Variants in MLKL observed in about 807,000 individuals in gnomAD.
MLKL encodes the protein mixed lineage kinase domain like pseudokinase.
Under a neutral mutation model 56.5 loss-of-function variants are expected in MLKL, and 55 were observed. The observed-to-expected ratio is 0.97, with a 90% CI of 0.78 to 1.22. MLKL has a LOEUF of 1.22. Among genes scored for constraint, MLKL ranks in the 50% most tolerant of loss-of-function variants. The probability of loss-of-function intolerance (pLI) is 0.00; values close to 1 mark genes in which losing one functional copy is unlikely to be tolerated. For synonymous variants in MLKL, 251 were observed against 208.3 expected (o/e 1.20, Z -1.76); for missense variants, 694 against 573.9 (o/e 1.21, Z -2.14).
chr16:74,672,980 C>G (rs1383707783), intron 10 of MLKL, among the ~76,000 whole-genome samples: 1 of 152,126 alleles, frequency 6.6e-6, no homozygotes, highest in Non-Finnish European at 1.5e-5. Flanking sequence ...GAGAAAGTTT[C>G]AGACAGAAAC....
At position 74,676,219 on chromosome 16, in the gene MLKL, A is replaced by G. The variant is rs985016118; in HGVS notation, c.1039-455T>C. ...GGCATGGGGGCATCCCCTCTGTGCT[A>G]TCTGACTTTATGGGGGGTCAGCCTG... On this transcript the variant is annotated intron_variant, in intron 7 of 10. Coordinates refer to ENST00000308807, the MANE Select transcript of MLKL (RefSeq NM_152649.4). The G allele has an allele frequency of 3.6e-5, 36 of 993,668 alleles. No individual in the cohort carries two copies. The African/African-American group carries it at 5.9e-4, about 16-fold the overall frequency. 61.6% of individuals were successfully genotyped at this position (993,668 alleles called of 1,614,324 possible). A position where few individuals can be genotyped will look rare whatever the true frequency, so the allele number is the denominator to read the frequency against.
intron 7 of MLKL, 28 bp downstream of exon 7, chr16:74,678,871 C>G: frequency 1.3e-6 from 2 of 1,597,736 alleles, no homozygotes; most frequent in Non-Finnish European, 1.7e-6. Flanking sequence ...CAGGTTTGAC[C>G]CAAAGCGCCC....
At position 74,695,351 on chromosome 16, in the gene MLKL, TC is replaced by T. The variant is rs1396906799; in HGVS notation, c.406del (p.Glu136LysfsTer16). The part of the protein sequence containing the change: ...PISQGASWAQ[E>X]DQQDADEDRR... ...GTCTTCGTCTGCATCCTGCTGATCT[TC>T]CTGTGCCCAGGACGCTCCTTGGCTT... is the stretch of plus-strand genomic sequence containing the variant. On this transcript the variant is annotated frameshift_variant, in exon 2 of 11. Transcript: ENST00000308807. LOFTEE classifies it high-confidence loss of function. 3.7e-6 allele frequency: 6 copies of T among 1,614,100 alleles called. No homozygotes were observed. In the African/African-American group the frequency reaches 8.0e-5, roughly 22 times the overall value.
chr16:74,692,491 T>C, intron 2 of MLKL, 75 bp from the exon 3 acceptor site: 2 of 1,218,004 alleles, frequency 1.6e-6, no homozygotes, highest in Non-Finnish European at 2.4e-6. Context: ...AAATGCTAAT[T>C]AAAACTGTTG....
chr16:74,679,101 A>G (rs939947208), intron 6 of MLKL, 121 bp from the exon 7 acceptor site: 4 of 722,112 alleles, frequency 5.5e-6, no homozygotes, highest in Admixed American at 2.4e-5. Flanking sequence ...ACAGTTACAC[A>G]GGAAAAACTG....
intron 5 of MLKL, among the ~76,000 whole-genome samples, chr16:74,685,179 A>G (rs1960249000): frequency 6.6e-6 from 1 of 152,106 alleles, no homozygotes; most frequent in Non-Finnish European, 1.5e-5. Flanking sequence ...ATAATGTTTT[A>G]GAGCAACAAG....
rs778988353 is a variant in MLKL, at chr16:74,682,682, G to C, written c.925C>G (p.Leu309Val). Residue 309 changes from leucine to valine, a missense_variant, in exon 6 of 11, where the codon CTA becomes GTA. By Grantham distance (32) the Leu-to-Val change is conservative. Coordinates refer to ENST00000308807, the MANE Select transcript of MLKL (RefSeq NM_152649.4). ...KDLTLGKRMV[L>V]VLGAARGLYR... ...AGGCCTCGGGCTGCCCCCAGGACTA[G>C]GACCATGCGCTTGCCAAGTGTGAGG... is the stretch of plus-strand genomic sequence containing the variant. 2.4e-5 allele frequency: 39 copies of C among 1,614,016 alleles called. No homozygotes were observed. In the East Asian group the frequency reaches 8.2e-4, roughly 34 times the overall value.
chr16:74,691,475 C>T lies in MLKL; in HGVS notation c.536-12G>A. ...TTTTGGTGGTAAATCTGACCTCACCCCCGAGAGGAAAGAAGACAAAAGAGT... is the reference window on the plus strand; with the variant it reads ...TTTTGGTGGTAAATCTGACCTCACCTCCGAGAGGAAAGAAGACAAAAGAGT... On this transcript the variant is annotated splice_polypyrimidine_tract_variant and intron_variant, in intron 3 of 10. Coordinates refer to ENST00000308807, the MANE Select transcript of MLKL (RefSeq NM_152649.4). 2 of 1,603,452 alleles carry T rather than the reference C, an allele frequency of 1.2e-6. No homozygotes were observed. Among genetic ancestry groups the T allele is most frequent in the Non-Finnish European group, 1.7e-6 (2 of 1,177,172 alleles).
intron 5 of MLKL, among the ~76,000 whole-genome samples, chr16:74,685,050 G>A (rs1273806613): frequency 6.6e-6 from 1 of 152,050 alleles, no homozygotes; most frequent in African/African-American, 2.4e-5. Context: ...TTTTAGTAGA[G>A]ATGGGGTTTC....
intron 1 of MLKL, among the ~76,000 whole-genome samples, chr16:74,699,080 T>G (rs1444012439): frequency 1.3e-5 from 2 of 151,762 alleles, no homozygotes; most frequent in African/African-American, 4.8e-5. Context: ...ACCACTGTGC[T>G]CCAACCTGGG....
rs147269187 is a variant in MLKL at position 74,691,292 on chromosome 16, T to C, written c.707A>G (p.Gln236Arg). 1.2e-4 allele frequency: 199 copies of C among 1,610,914 alleles called. No homozygotes were observed. The highest frequency in any genetic ancestry group is 1.6e-4 in the Non-Finnish European group (188 of 1,178,972). The change falls in exon 4 of 11, where the codon CAG (glutamine) becomes CGG (arginine). Residue 236 changes from glutamine (Q) to arginine (R), a missense_variant. Gln to Arg is a conservative substitution (Grantham distance 43). Transcript: ENST00000308807. ...PVAIKVFKKL[Q>R]AGSIAIVRQT... ...AACAACTTACGCAATGCTGCCAGCC[T>C]GGAGTTTTTTGAATACTTTTATGGC...
In MLKL at chr16:74,692,386, C is replaced by G; in HGVS notation, c.491G>C (p.Arg164Pro). The G allele has an allele frequency of 6.2e-7, 1 of 1,613,812 alleles. No individual in the cohort carries two copies. The highest frequency in any genetic ancestry group is 1.3e-5 in the African/African-American group (1 of 75,010). The change falls in exon 3 of 11, where the codon CGA becomes CCA. Residue 164 changes from arginine to proline, a missense_variant. Coordinates refer to ENST00000308807, the MANE Select transcript of MLKL (RefSeq NM_152649.4). ...DNEKIEASLR[R>P]LEINMKEIKE... is the part of the protein sequence containing the mutation. ...GATTTCTTTCATGTTGATTTCTAAT[C>G]GTCTCAGTGAAGCTTCTATTTTTTC...
intron 4 of MLKL, among the ~76,000 whole-genome samples, chr16:74,688,113 T>C (rs1028450418): frequency 1.5e-4 from 22 of 151,590 alleles, no homozygotes; most frequent in South Asian, 4.2e-4. Flanking sequence ...CGTGAGCCAC[T>C]GCGCCCAGCC....
chr16:74,691,736 C>G (rs1039209110), intron 3 of MLKL, among the ~76,000 whole-genome samples: 1 of 152,174 alleles, frequency 6.6e-6, no homozygotes, highest in Non-Finnish European at 1.5e-5. Flanking sequence ...AGCCTTAACC[C>G]TCATCCAGAC....
chr16:74,693,497 G>GAAAGA (rs1292675677), intron 2 of MLKL, among the ~76,000 whole-genome samples: 1 of 129,546 alleles, frequency 7.7e-6, no homozygotes, highest in Non-Finnish European at 1.7e-5. Flanking sequence ...AAGAAAGAAA[G>GAAAGA]AAAAGAAAAA....
At chr16:74,691,073 T>A (rs1385970300) in intron 4 of MLKL, among the ~76,000 whole-genome samples, 1 of 151,050 alleles carries the variant, frequency 6.6e-6, no homozygotes, top group Non-Finnish European at 1.5e-5. Context: ...TTTAAATATA[T>A]ATGTGGACAA....
At chr16:74,698,778 C>T in intron 1 of MLKL, among the ~76,000 whole-genome samples, 1 of 152,142 alleles carries the variant, frequency 6.6e-6, no homozygotes, top group Non-Finnish European at 1.5e-5. Context: ...ATAGAACTGA[C>T]AAACAATTTC....
At chr16:74,698,680 C>T (rs1191186446) in intron 1 of MLKL, among the ~76,000 whole-genome samples, 1 of 152,208 alleles carries the variant, frequency 6.6e-6, no homozygotes, top group Admixed American at 6.5e-5. Flanking sequence ...TAGCTCTAAG[C>T]TCCAGTTATC....
intron 7 of MLKL, chr16:74,676,321 G>A: frequency 2.0e-6 from 2 of 985,992 alleles, no homozygotes; most frequent in Non-Finnish European, 2.4e-6. Context: ...TAAAGAAACT[G>A]TAGCACAATC....
Sources: gnomAD v4.1 joint callset for allele counts (sites outside exome capture counted in the v4.1 genomes callset) on GRCh38, gnomAD v4.1.1 for gene constraint, MANE v1.5 for transcripts, NCBI Gene and HGNC (gene_info 2026-07-23, HGNC 2026-07-21) for gene names.